Variants in MTO1 observed in about 807,000 individuals in gnomAD.
The protein encoded by MTO1 is mitochondrial tRNA translation optimization 1, also known as 5-taurinomethyluridine-[tRNA] synthase subunit MTO1, mitochondrial.
A neutral mutation model predicts 71.6 loss-of-function variants in MTO1; 46 were observed. The observed-to-expected ratio is 0.64, with a 90% confidence interval of 0.51 to 0.82. MTO1 has a LOEUF of 0.82. MTO1 is among the 40% of genes least tolerant of loss of function. The probability of loss-of-function intolerance (pLI) is 0.00; values close to 1 mark genes in which losing one functional copy is unlikely to be tolerated. For missense variants in MTO1, 773 were observed against 867.5 expected, an observed-to-expected ratio of 0.89 and a Z score of 1.37; for synonymous variants, 297 against 312.1, an observed-to-expected ratio of 0.95 and a Z score of 0.51.
chr6:73,493,391 TTG>T (rs1771883482), intron 10 of MTO1, among the ~76,000 whole-genome samples: 1 of 149,852 alleles, frequency 6.7e-6, no homozygotes, highest in African/African-American at 2.5e-5. Context: ...TGTGTGTGTT[TTG>T]GTTTTTTCTT....
chr6:73,500,762 G>C lies in MTO1; in HGVS notation c.*27G>C, dbSNP rs1554151148. ...TTTCAATTCATAAAAGATTTTTAAAGAGCATATAAATAATTTGATCAATAC... is the reference window on the plus strand; with the variant it reads ...TTTCAATTCATAAAAGATTTTTAAACAGCATATAAATAATTTGATCAATAC... On this transcript the variant is annotated 3_prime_UTR_variant, in exon 12 of 12. Transcript: ENST00000498286. 12 of 1,522,500 alleles carry C rather than the reference G, an allele frequency of 7.9e-6. No individual in the cohort carries two copies. The highest frequency in any genetic ancestry group is 1.1e-5 in the Non-Finnish European group (12 of 1,127,680). 94.3% of individuals were successfully genotyped at this position (1,522,500 alleles called of 1,614,324 possible). A position where few individuals can be genotyped will look rare whatever the true frequency, so the allele number is the denominator to read the frequency against.
chr6:73,495,870 C>A (rs1318239752), intron 10 of MTO1, among the ~76,000 whole-genome samples: 1 of 152,108 alleles, frequency 6.6e-6, no homozygotes, highest in Non-Finnish European at 1.5e-5. Context: ...TATTTACATG[C>A]ATTATTTCAT....
chr6:73,483,100 C>G (rs1178138830), intron 9 of MTO1, among the ~76,000 whole-genome samples: 1 of 150,962 alleles, frequency 6.6e-6, no homozygotes, highest in Non-Finnish European at 1.5e-5. Flanking sequence ...CCTAACTCAT[C>G]TGTTTTCTAA....
Position 73,503,789 on chromosome 6 carries a change from C to A in MTO1, c.*3054C>A, listed in dbSNP as rs543905339. ...TACTGGGGGAGGAAGGATGAAGATA[C>A]GAACCTATGCTAAATTAAACGATTA... On this transcript the variant is annotated 3_prime_UTR_variant, in exon 12 of 12. Transcript: ENST00000498286. 9 of 152,324 alleles carry A rather than the reference C, an allele frequency of 5.9e-5. No homozygotes were observed. The highest frequency in any genetic ancestry group is 5.9e-4 in the Admixed American group (9 of 15,296). The allele number at this position is 152,324 out of a possible 1,614,324, so 9.4% of individuals were successfully genotyped here.
intron 1 of MTO1, chr6:73,462,344 G>GAGA (rs74278698): frequency 5.0e-6 from 2 of 402,280 alleles, no homozygotes; most frequent in Non-Finnish European, 8.6e-6. Context: ...GGGAAAGGGA[G>GAGA]CTACCAACTA....
Position 73,480,823 on chromosome 6 carries a change from T to C in MTO1, c.1260+18T>C. 1 of 1,612,624 alleles carries C rather than the reference T, an allele frequency of 6.2e-7. No individual in the cohort carries two copies. Among genetic ancestry groups the C allele is most frequent in the South Asian group, 1.1e-5 (1 of 91,000 alleles). Reference sequence around the variant, plus strand: ...CAGCTCAAGTAAGAAGTTAAGATATTAATGTAAACTGAAAGGGACTATTTA... The same window carrying C: ...CAGCTCAAGTAAGAAGTTAAGATATCAATGTAAACTGAAAGGGACTATTTA... On this transcript the variant is annotated intron_variant, in intron 7 of 11. Coordinates refer to ENST00000498286, the MANE Select transcript of MTO1 (RefSeq NM_012123.4).
chr6:73,485,519 A>C (rs1047433651), intron 9 of MTO1, among the ~76,000 whole-genome samples: 6 of 151,260 alleles, frequency 4.0e-5, no homozygotes, highest in Non-Finnish European at 8.8e-5. Context: ...GCTCACTGCA[A>C]CCTCCGCCTC....
chr6:73,498,196 G>A (rs1249823765), intron 11 of MTO1, among the ~76,000 whole-genome samples: 1 of 151,852 alleles, frequency 6.6e-6, no homozygotes, highest in Non-Finnish European at 1.5e-5. Context: ...GGGCAACAGA[G>A]TGAGACCCTG....
chr6:73,480,902 C>A (rs1452888905), intron 7 of MTO1, 97 bp downstream of exon 7: 5 of 1,196,214 alleles, frequency 4.2e-6, no homozygotes, highest in Admixed American at 2.6e-5. Flanking sequence ...ATCTTAGATA[C>A]AATTCATACT....
intron 9 of MTO1, 63 bp from the exon 10 acceptor site, chr6:73,492,171 T>G: frequency 1.0e-6 from 1 of 1,001,310 alleles, no homozygotes; most frequent in Non-Finnish European, 1.6e-6. Flanking sequence ...CAAAGAATCT[T>G]GTTCTTGATC....
intron 3 of MTO1, 90 bp downstream of exon 3, chr6:73,466,696 C>T (rs761428416): frequency 7.0e-6 from 8 of 1,139,856 alleles, no homozygotes; most frequent in Non-Finnish European, 1.0e-5. Flanking sequence ...AGATATGTTG[C>T]TTATTCAAGG....
intron 1 of MTO1, among the ~76,000 whole-genome samples, chr6:73,463,732 T>TTTTTC (rs879929726): frequency 4.6e-5 from 7 of 152,030 alleles, no homozygotes; most frequent in South Asian, 4.2e-4. Flanking sequence ...TCAGGTGGGT[T>TTTTTC]TTTTCTTTTC....
At position 73,500,765 on chromosome 6, in the gene MTO1, C is replaced by A; in HGVS notation, c.*30C>A. On this transcript the variant is annotated 3_prime_UTR_variant, in exon 12 of 12. Coordinates refer to ENST00000498286, the MANE Select transcript of MTO1 (RefSeq NM_012123.4). ...CAATTCATAAAAGATTTTTAAAGAG[C>A]ATATAAATAATTTGATCAATACAAC... 1 of 1,510,454 alleles carries A rather than the reference C, an allele frequency of 6.6e-7. No homozygotes were observed. The highest frequency in any genetic ancestry group is 8.9e-7 in the Non-Finnish European group (1 of 1,119,924). The allele number at this position is 1,510,454 out of a possible 1,614,324, so 93.6% of individuals were successfully genotyped here. A position where few individuals can be genotyped will look rare whatever the true frequency, so the allele number is the denominator to read the frequency against.
intron 4 of MTO1, among the ~76,000 whole-genome samples, chr6:73,474,502 G>A (rs931023456): frequency 3.3e-5 from 5 of 152,042 alleles, no homozygotes; most frequent in South Asian, 4.1e-4. Flanking sequence ...CTGCTGGAGC[G>A]CAATGGTGAA....
chr6:73,493,354 ATGTG>A (rs144509962), intron 10 of MTO1, among the ~76,000 whole-genome samples: 6,771 of 139,376 alleles, frequency 0.049, 474 homozygotes, highest in African/African-American at 0.16. Flanking sequence ...ATGTGCATGT[ATGTG>A]TGTGTGTGTG....
chr6:73,469,791 A>G (rs1771097053), intron 3 of MTO1, among the ~76,000 whole-genome samples: 2 of 152,100 alleles, frequency 1.3e-5, no homozygotes, highest in Non-Finnish European at 2.9e-5. Flanking sequence ...GGATCACCTG[A>G]GGTTGGGAGT....
chr6:73,497,461 C>CT (rs1582701571), intron 10 of MTO1, among the ~76,000 whole-genome samples: 1 of 151,774 alleles, frequency 6.6e-6, no homozygotes, highest in South Asian at 2.1e-4. Flanking sequence ...GCCACAAATT[C>CT]TTTTTTTACT....
At chr6:73,474,453 CT>C (rs935007056) in intron 4 of MTO1, among the ~76,000 whole-genome samples, 1 of 151,768 alleles carries the variant, frequency 6.6e-6, no homozygotes, top group Non-Finnish European at 1.5e-5. Flanking sequence ...TCGTAAATTT[CT>C]TTTTTTTGTT....
At chr6:73,463,784 AGGCTAGAATGCAGT>A (rs1430808850) in intron 1 of MTO1, among the ~76,000 whole-genome samples, 2 of 152,130 alleles carry the variant, frequency 1.3e-5, no homozygotes, top group East Asian at 3.9e-4. Context: ...GTTGTTGACC[AGGCTAGAATGCAGT>A]GGCGCGATCT....
Sources: gnomAD v4.1 joint callset for allele counts (sites outside exome capture counted in the v4.1 genomes callset) on GRCh38, gnomAD v4.1.1 for gene constraint, MANE v1.5 for transcripts, NCBI Gene and HGNC (gene_info 2026-07-23, HGNC 2026-07-21) for gene names.